The following DSCAML1 variants were observed in gnomAD, a reference collection of about 807,000 sequenced individuals.
The protein encoded by DSCAML1 is DS cell adhesion molecule like 1.
Under a neutral mutation model 200.5 loss-of-function variants are expected in DSCAML1, and 38 were observed. That is an observed-to-expected ratio of 0.19 (90% confidence interval 0.15 to 0.25). The LOEUF (loss-of-function observed/expected upper bound fraction) is 0.25. Ranked by LOEUF, DSCAML1 falls within the 10% of genes least tolerant of loss-of-function variation. The pLI is 1.00. For synonymous variants in DSCAML1, 1,215 were observed against 1,165.0 expected (o/e 1.04, Z -0.87); for missense variants, 2,223 against 2,858.8 (o/e 0.78, Z 5.07).
At chr11:117,738,356 G>A (rs939523455) in intron 3 of DSCAML1, among the ~76,000 whole-genome samples, 10 of 151,946 alleles carry the variant, frequency 6.6e-5, no homozygotes, top group African/African-American at 2.4e-4. Flanking sequence ...GAAGAATTTT[G>A]TGGGTCTAGC....
chr11:117,738,866 C>T (rs1338823770), intron 3 of DSCAML1, among the ~76,000 whole-genome samples: 1 of 152,184 alleles, frequency 6.6e-6, no homozygotes, highest in Non-Finnish European at 1.5e-5. Flanking sequence ...CTGCAGCAGT[C>T]CCTTTCCCTG....
chr11:117,738,107 G>A (rs895114091), intron 3 of DSCAML1, among the ~76,000 whole-genome samples: 1 of 152,156 alleles, frequency 6.6e-6, no homozygotes, highest in African/African-American at 2.4e-5. Context: ...GCTTACTGCT[G>A]AATGATTGTG....
In DSCAML1 at chr11:117,780,244, GAAA is replaced by G. The variant is rs1565280759; in HGVS notation, c.364+246_364+248del. 8.3e-3 allele frequency among the ~76,000 whole-genome samples: 573 copies of G among 69,450 alleles called. 7 individuals carry two copies. Among genetic ancestry groups the G allele is most frequent in the Non-Finnish European group, 0.013 (400 of 30,976 alleles). 45.6% of individuals were successfully genotyped at this position (69,450 alleles called of 152,430 possible). The stretch of plus-strand genomic sequence containing the variant: ...GAAAGAAAGAAAGGAAAGAAAGAAA[GAAA>G]GAAAGAAAGAAAGAAAGAAAGAAAG... On this transcript the variant is annotated intron_variant, in intron 2 of 32. Coordinates refer to ENST00000651296, the MANE Select transcript of DSCAML1 (RefSeq NM_020693.4). This position sits in a 1 kb window ranked among gnomAD's most constrained non-coding sequence, Gnocchi z 4.8.
upstream of DSCAML1, chr11:117,801,413 G>A (rs1341504859): frequency 6.6e-6 from 1 of 152,228 alleles, no homozygotes; most frequent in Non-Finnish European, 1.5e-5. Context: ...ACCCACAAAT[G>A]TGTGCAGGCA....
chr11:117,759,068 T>C (rs1311805444), intron 3 of DSCAML1, among the ~76,000 whole-genome samples: 1 of 152,168 alleles, frequency 6.6e-6, no homozygotes, highest in Non-Finnish European at 1.5e-5. Flanking sequence ...TTCTAGACCT[T>C]AGAGGACCCC....
chr11:117,508,714 G>A (rs539336291), intron 8 of DSCAML1, among the ~76,000 whole-genome samples: 126 of 152,248 alleles, frequency 8.3e-4, no homozygotes, highest in African/African-American at 3.0e-3. Context: ...GCAGTGATGA[G>A]GAGCTGGAGA....
At chr11:117,710,029 C>T (rs1443940345) in intron 3 of DSCAML1, among the ~76,000 whole-genome samples, 1 of 152,190 alleles carries the variant, frequency 6.6e-6, no homozygotes, top group Non-Finnish European at 1.5e-5. Context: ...GTCCCCTCTG[C>T]AAGGGACAGT....
At chr11:117,795,220 A>T (rs2055548271) in intron 1 of DSCAML1, among the ~76,000 whole-genome samples, 1 of 152,072 alleles carries the variant, frequency 6.6e-6, no homozygotes, top group South Asian at 2.1e-4. Flanking sequence ...AGTGTTGTGG[A>T]GGCATGGGGG....
chr11:117,692,798 G>A (rs371464019), intron 3 of DSCAML1, among the ~76,000 whole-genome samples: 2 of 152,090 alleles, frequency 1.3e-5, no homozygotes, highest in African/African-American at 2.4e-5. Context: ...GGGAGACTCC[G>A]TTGAAATGAC....
rs773760498 is a variant in DSCAML1 at position 117,438,161 on chromosome 11, G to C, written c.4244-78C>G. On this transcript the variant is annotated intron_variant, in intron 24 of 32. Coordinates refer to ENST00000651296, the MANE Select transcript of DSCAML1 (RefSeq NM_020693.4). ...AAGCCCAGCCTCAGGTACCCCAACA[G>C]GGGGCTGGGCTCCAGGCAGGGGGCA... 69 of 1,423,816 alleles carry C rather than the reference G, an allele frequency of 4.8e-5. 1 individual carries two copies. The highest frequency in any genetic ancestry group is 1.2e-4 in the Admixed American group (6 of 48,414). 88.2% of individuals were successfully genotyped at this position (1,423,816 alleles called of 1,614,324 possible).
chr11:117,661,457 G>A (rs2052848588), intron 3 of DSCAML1, among the ~76,000 whole-genome samples: 2 of 152,296 alleles, frequency 1.3e-5, no homozygotes, highest in South Asian at 4.1e-4. Context: ...TGTAACTTTT[G>A]GTGATTGTCT....
intron 8 of DSCAML1, among the ~76,000 whole-genome samples, chr11:117,512,569 C>T (rs915694575): frequency 2.0e-5 from 3 of 152,028 alleles, no homozygotes; most frequent in African/African-American, 7.2e-5. Flanking sequence ...CTACACCCGC[C>T]TCAGGGCTGG....
intron 1 of DSCAML1, among the ~76,000 whole-genome samples, chr11:117,794,223 C>T (rs907769155): frequency 6.6e-6 from 1 of 152,102 alleles, no homozygotes; most frequent in African/African-American, 2.4e-5. Flanking sequence ...AATTTTAGTG[C>T]CGGGGAAGCT....
chr11:117,677,352 G>A (rs771813090), intron 3 of DSCAML1, among the ~76,000 whole-genome samples: 16 of 152,308 alleles, frequency 1.1e-4, no homozygotes, highest in South Asian at 2.1e-4. Flanking sequence ...AATGGGCATC[G>A]AATGAGATGG....
intron 3 of DSCAML1, among the ~76,000 whole-genome samples, chr11:117,768,603 T>C (rs1360112291): frequency 1.3e-5 from 2 of 152,222 alleles, no homozygotes; most frequent in African/African-American, 4.8e-5. Context: ...ATTTCTCTGA[T>C]GCATTTAGGT....
rs74376762 is a variant in DSCAML1, at chr11:117,497,212, G to A, written c.2359+6633C>T. On this transcript the variant is annotated intron_variant, in intron 11 of 32. Transcript: ENST00000651296. ...ACCCCTCTGAATAGAGGAGCAAACTGAGTCCCTGGGAGAAGGACTATGCCC... is the reference window on the plus strand; with the variant it reads ...ACCCCTCTGAATAGAGGAGCAAACTAAGTCCCTGGGAGAAGGACTATGCCC... Among the ~76,000 whole-genome samples the A allele has an allele frequency of 3.2e-3, 487 of 152,318 alleles. 1 individual carries two copies. Among genetic ancestry groups the A allele is most frequent in the African/African-American group, 0.011 (468 of 41,564 alleles).
chr11:117,769,581 T>TTA (rs1565274452), intron 3 of DSCAML1, among the ~76,000 whole-genome samples: 1 of 112,144 alleles, frequency 8.9e-6, no homozygotes, highest in Non-Finnish European at 1.8e-5. Context: ...TATATATTTT[T>TTA]TATATATATA....
chr11:117,750,229 C>A (rs2054584543), intron 3 of DSCAML1, among the ~76,000 whole-genome samples: 2 of 152,186 alleles, frequency 1.3e-5, no homozygotes, highest in South Asian at 4.1e-4. Flanking sequence ...GGACTCTGTC[C>A]CCAGCCTGCA....
chr11:117,682,037 G>T (rs1394659180), intron 3 of DSCAML1, among the ~76,000 whole-genome samples: 2 of 152,174 alleles, frequency 1.3e-5, no homozygotes, highest in Non-Finnish European at 2.9e-5. Flanking sequence ...CTACAGAGTG[G>T]TTCTCGATGA....
Sources: allele counts gnomAD v4.1 joint callset (sites outside exome capture counted in the v4.1 genomes callset), GRCh38; gene constraint gnomAD v4.1.1; non-coding constraint Gnocchi (gnomAD v3.1); transcripts MANE v1.5; gene names NCBI Gene and HGNC (gene_info 2026-07-23, HGNC 2026-07-21).